Variants in RASSF6 observed in about 807,000 individuals in gnomAD.
The protein encoded by RASSF6 is Ras association domain family member 6, also known as ras association domain-containing protein 6.
RASSF6 carries 52 observed loss-of-function variants against 44.0 expected under a neutral mutation model. The observed-to-expected ratio is 1.18, with a 90% CI of 0.95 to 1.49. The LOEUF (loss-of-function observed/expected upper bound fraction) is 1.49, where lower values mean the gene tolerates loss of function less well. Ranked by LOEUF, RASSF6 falls within the 40% of genes most tolerant of loss-of-function variation. RASSF6 has a pLI of 0.00. For synonymous variants in RASSF6, 162 were observed against 124.6 expected (o/e 1.30, Z -2.00); for missense variants, 464 against 393.3 (o/e 1.18, Z -1.52).
chr4:73,601,348 A>T (rs2149387565), intron 2 of RASSF6, among the ~76,000 whole-genome samples: 1 of 152,298 alleles, frequency 6.6e-6, no homozygotes, highest in Non-Finnish European at 1.5e-5. Context: ...AACTGCAGAG[A>T]TGAGTAGTTG....
intron 2 of RASSF6, among the ~76,000 whole-genome samples, chr4:73,605,721 C>T (rs1328443476): frequency 6.6e-6 from 1 of 152,198 alleles, no homozygotes; most frequent in Non-Finnish European, 1.5e-5. Flanking sequence ...AATTCTGTCT[C>T]ACTCTTCCAA....
At chr4:73,593,015 T>G (rs1397561496) in intron 4 of RASSF6, among the ~76,000 whole-genome samples, 1 of 84,060 alleles carries the variant, frequency 1.2e-5, no homozygotes, top group African/African-American at 4.8e-5. Context: ...ATTGAGTTGC[T>G]GGGATTTTTT....
In RASSF6 at chr4:73,616,234, T is replaced by C. The variant is rs575181924; in HGVS notation, c.-35+4054A>G. Among the ~76,000 whole-genome samples the C allele has an allele frequency of 6.0e-5, 9 of 151,136 alleles. No homozygotes were observed. In the East Asian group the frequency reaches 1.6e-3, roughly 26 times the overall value. ...ATACATATATCTATATCTATCTATC[T>C]ATCTATCTATCTATCTATCTATCTA... On this transcript the variant is annotated intron_variant, in intron 1 of 10. Transcript: ENST00000307439.
intron 2 of RASSF6, among the ~76,000 whole-genome samples, chr4:73,609,483 G>A (rs886153873): frequency 1.3e-5 from 2 of 151,966 alleles, no homozygotes; most frequent in Non-Finnish European, 2.9e-5. Context: ...GGATATAAAC[G>A]TTATGTTTCC....
chr4:73,583,710 G>C (rs1723851269), intron 6 of RASSF6, among the ~76,000 whole-genome samples: 1 of 152,088 alleles, frequency 6.6e-6, no homozygotes, highest in African/African-American at 2.4e-5. Flanking sequence ...TATAGTCCCA[G>C]CTTGAGCTCA....
At chr4:73,612,479 C>CT (rs766739218) in intron 1 of RASSF6, among the ~76,000 whole-genome samples, 4 of 68,286 alleles carry the variant, frequency 5.9e-5, no homozygotes, top group African/African-American at 2.2e-4. Context: ...GTTCAGTTTT[C>CT]TTTTTTTTTT....
intron 1 of RASSF6, chr4:73,615,800 T>A: frequency 9.8e-7 from 1 of 1,021,794 alleles, no homozygotes; most frequent in Non-Finnish European, 1.5e-6. Flanking sequence ...GAGGCAGTGT[T>A]GGGCAGCATT....
chr4:73,595,462 G>A (rs1247647), intron 3 of RASSF6, among the ~76,000 whole-genome samples: 149,275 of 152,208 alleles, frequency 0.98, 73,263 homozygotes, highest in Middle Eastern at 1. Context: ...GCCTCCCAAA[G>A]TGCTGGGATT....
chr4:73,603,092 G>GAAGAAAGA (rs376546916), intron 2 of RASSF6, among the ~76,000 whole-genome samples: 2 of 151,602 alleles, frequency 1.3e-5, no homozygotes, highest in African/African-American at 4.9e-5. Context: ...CGTCTCAAAA[G>GAAGAAAGA]AAGAAAGAAA....
rs375620120 is a variant in RASSF6 at position 73,597,392 on chromosome 4, T to C, written c.144+1248A>G. 2.4e-4 allele frequency among the ~76,000 whole-genome samples: 37 copies of C among 152,206 alleles called. No homozygotes were observed. The South Asian group carries it at 7.7e-3, about 32-fold the overall frequency. ...TGAAAAAGCTCTACATAACAGATCA[T>C]TAGAAAAATGCAAATCAAAACCACA... On this transcript the variant is annotated intron_variant, in intron 3 of 10. Coordinates refer to ENST00000307439, the MANE Select transcript of RASSF6 (RefSeq NM_177532.5).
chr4:73,576,347 A>C (rs1200831702), intron 10 of RASSF6, 37 bp from the exon 11 acceptor site: 2 of 1,493,840 alleles, frequency 1.3e-6, no homozygotes, highest in Non-Finnish European at 1.9e-6. Context: ...TAAAAATTGG[A>C]CATATTTTGT....
chr4:73,606,269 A>T (rs1725622751), intron 2 of RASSF6, among the ~76,000 whole-genome samples: 1 of 152,236 alleles, frequency 6.6e-6, no homozygotes, highest in Admixed American at 6.5e-5. Flanking sequence ...TTGCAGCAAT[A>T]TGGATGCAGC....
rs565442138 is a variant in RASSF6 at position 73,611,755 on chromosome 4, A to G, written c.41T>C (p.Ile14Thr). 106 of 1,609,484 alleles carry G rather than the reference A, an allele frequency of 6.6e-5. No homozygotes were observed. The South Asian group carries it at 1.1e-3, about 17-fold the overall frequency. The change falls in exon 2 of 11, where the codon ATT becomes ACT. Residue 14 changes from isoleucine to threonine, a missense_variant. Transcript: ENST00000307439. ...MAHQYPSWIF[I>T]NEKTFITREQ... The stretch of plus-strand genomic sequence containing the variant: ...CCTGGTTATGAATGTCTTCTCATTA[A>G]TGAAGATCCAAGAGGGGTACTGGTG...
intron 4 of RASSF6, among the ~76,000 whole-genome samples, chr4:73,590,441 A>G (rs576636616): frequency 6.6e-6 from 1 of 152,332 alleles, no homozygotes; most frequent in East Asian, 1.9e-4. Flanking sequence ...GGTGCCCACT[A>G]TGGGAAAAAG....
chr4:73,612,634 A>G (rs77203265), intron 1 of RASSF6, among the ~76,000 whole-genome samples: 1 of 152,106 alleles, frequency 6.6e-6, no homozygotes, highest in Admixed American at 6.5e-5. Context: ...AAAAGAAAAC[A>G]GGAAAGCTAT....
In RASSF6 at chr4:73,595,280, C is replaced by T. The variant is rs185432750; in HGVS notation, c.145-1687G>A. On this transcript the variant is annotated intron_variant, in intron 3 of 10. Transcript: ENST00000307439. ...TGTGATCTCAGCTTACTGCAATCCC[C>T]ACCTCCTGGTTCAGGTGATTCTCCT... 4.1e-4 allele frequency among the ~76,000 whole-genome samples: 62 copies of T among 152,268 alleles called. 2 individuals are homozygous for T. Among genetic ancestry groups the T allele is most frequent in the African/African-American group, 1.4e-3 (59 of 41,550 alleles).
At position 73,585,310 on chromosome 4, in the gene RASSF6, T is replaced by G. The variant is rs1415880710; in HGVS notation, c.437A>C (p.Asp146Ala). ...TLKPHAKDEP[D>A]SPVLYRTMSE... ...CATGGTTCTATAGAGCACTGGGGAG[T>G]CTGGTTCATCCTTTGCATGTGGCTT... Residue 146 changes from aspartate (D) to alanine (A), a missense_variant, in exon 6 of 11, where the codon GAC (aspartate) becomes GCC (alanine). Coordinates refer to ENST00000307439, the MANE Select transcript of RASSF6 (RefSeq NM_177532.5). 1 of 1,609,214 alleles carries G rather than the reference T, an allele frequency of 6.2e-7. No homozygotes were observed. Among genetic ancestry groups the G allele is most frequent in the Admixed American group, 1.7e-5 (1 of 59,520 alleles).
Position 73,581,929 on chromosome 4 carries a change from T to C in RASSF6, c.670-61A>G, listed in dbSNP as rs539144672. The C allele has an allele frequency of 3.1e-5, 39 of 1,261,850 alleles. No homozygotes were observed. The Admixed American group carries it at 6.3e-4, about 20-fold the overall frequency. 78.2% of individuals were successfully genotyped at this position (1,261,850 alleles called of 1,614,324 possible). On this transcript the variant is annotated intron_variant, in intron 7 of 10. Transcript: ENST00000307439. ...TGTTGTTATATGATGTTTTCTAACC[T>C]GACCAGACCCAAATCATGTCTGTTT...
Position 73,592,000 on chromosome 4 carries a change from G to C in RASSF6, c.287+1451C>G, listed in dbSNP as rs562930918. ...TATAGAAAAGTTTTCAGTGAGCCTC[G>C]TATAGACTGAGGGGTCAGAAATGGC... is the stretch of plus-strand genomic sequence containing the variant. On this transcript the variant is annotated intron_variant, in intron 4 of 10. Transcript: ENST00000307439. 1.2e-4 allele frequency among the ~76,000 whole-genome samples: 18 copies of C among 151,980 alleles called. No individual in the cohort carries two copies. The South Asian group carries it at 2.7e-3, about 23-fold the overall frequency.
Sources: gnomAD v4.1 joint callset for allele counts (sites outside exome capture counted in the v4.1 genomes callset) on GRCh38, gnomAD v4.1.1 for gene constraint, MANE v1.5 for transcripts, NCBI Gene and HGNC (gene_info 2026-07-23, HGNC 2026-07-21) for gene names.